Variants in MEGF11 observed in about 807,000 individuals in gnomAD.
The protein encoded by MEGF11 is multiple EGF like domains 11, also known as multiple epidermal growth factor-like domains protein 11.
MEGF11 carries 126 observed loss-of-function variants against 146.6 expected under a neutral mutation model. The observed-to-expected ratio is 0.86, with a 90% CI of 0.74 to 1.00. The LOEUF (loss-of-function observed/expected upper bound fraction) is 1.00. MEGF11 is among the 50% of genes least tolerant of loss of function. The pLI, the probability that MEGF11 is intolerant of heterozygous loss-of-function variation, is 0.00. For synonymous variants in MEGF11, 532 were observed against 583.4 expected (o/e 0.91, Z 1.27); for missense variants, 1,509 against 1,521.2 (o/e 0.99, Z 0.13).
intron 1 of MEGF11, among the ~76,000 whole-genome samples, chr15:66,247,789 C>T (rs916786051): frequency 5.9e-5 from 9 of 151,394 alleles, no homozygotes; most frequent in African/African-American, 1.9e-4. Flanking sequence ...GTAATCCCAG[C>T]ATTTTGGGAG....
chr15:65,987,721 T>C (rs1251037270), intron 5 of MEGF11, among the ~76,000 whole-genome samples: 1 of 152,206 alleles, frequency 6.6e-6, no homozygotes, highest in Non-Finnish European at 1.5e-5. Context: ...TTTATTATTT[T>C]TATTTTTTTG....
At chr15:66,076,345 T>C (rs1188637720) in intron 5 of MEGF11, among the ~76,000 whole-genome samples, 3 of 51,688 alleles carry the variant, frequency 5.8e-5, no homozygotes, top group African/African-American at 1.4e-4. Flanking sequence ...TAAAGATCTT[T>C]GTAAAAAAAA....
intron 15 of MEGF11, among the ~76,000 whole-genome samples, chr15:65,919,899 G>A (rs1170675779): frequency 5.4e-5 from 8 of 148,776 alleles, no homozygotes; most frequent in Non-Finnish European, 1.5e-5. Context: ...GTGAACCACT[G>A]CACCCGGCCA....
At chr15:66,235,748 C>T (rs747175930) in intron 1 of MEGF11, among the ~76,000 whole-genome samples, 3 of 152,126 alleles carry the variant, frequency 2.0e-5, no homozygotes, top group Non-Finnish European at 4.4e-5. Context: ...CAAGACTGCC[C>T]GGGCTCCCAC....
At chr15:66,048,925 T>C (rs1019622673) in intron 5 of MEGF11, among the ~76,000 whole-genome samples, 1 of 152,152 alleles carries the variant, frequency 6.6e-6, no homozygotes, top group Non-Finnish European at 1.5e-5. Context: ...TACATTCTCA[T>C]TTTACAGTTG....
At chr15:65,912,260 C>A in intron 20 of MEGF11, 60 bp from the exon 21 acceptor site, 2 of 1,025,912 alleles carry the variant, frequency 1.9e-6, no homozygotes, top group South Asian at 5.1e-5. Context: ...TGAGATACCC[C>A]CAGTACTAAT....
intron 10 of MEGF11, among the ~76,000 whole-genome samples, chr15:65,952,060 A>G (rs1177608266): frequency 6.6e-6 from 1 of 152,132 alleles, no homozygotes; most frequent in South Asian, 2.1e-4. Context: ...ATTTTATAGC[A>G]TATTATTATA....
intron 9 of MEGF11, among the ~76,000 whole-genome samples, chr15:65,959,911 C>T (rs2080798423): frequency 6.6e-6 from 1 of 152,192 alleles, no homozygotes; most frequent in Non-Finnish European, 1.5e-5. Flanking sequence ...TGTCTGGCCA[C>T]ATTTTGTCCA....
intron 5 of MEGF11, among the ~76,000 whole-genome samples, chr15:66,055,618 TGTTTGGTAACATTCGGGACTCAAC>T (rs1394989950): frequency 6.7e-4 from 102 of 152,376 alleles, no homozygotes; most frequent in African/African-American, 2.4e-3. Context: ...CTATTTATAA[TGTTTGGTAACATTCGGGACTCAAC>T]ACAGTTTTCA....
At chr15:66,184,223 A>G (rs1223683526) in intron 1 of MEGF11, among the ~76,000 whole-genome samples, 1 of 152,174 alleles carries the variant, frequency 6.6e-6, no homozygotes, top group Non-Finnish European at 1.5e-5. Context: ...TTTAATATGC[A>G]TCAATTATAC....
intron 4 of MEGF11, among the ~76,000 whole-genome samples, chr15:66,102,806 C>T (rs998171424): frequency 2.0e-5 from 3 of 152,314 alleles, no homozygotes; most frequent in Admixed American, 1.3e-4. Flanking sequence ...TGCTTATACA[C>T]CCAGGGTTCC....
chr15:65,932,757 G>A (rs75772934), intron 10 of MEGF11, among the ~76,000 whole-genome samples: 24 of 152,072 alleles, frequency 1.6e-4, no homozygotes, highest in Middle Eastern at 3.4e-3. Flanking sequence ...TGTCTATGCC[G>A]GAGCAAGTGG....
At chr15:65,912,389 C>G in intron 20 of MEGF11, 189 bp from the exon 21 acceptor site, 1 of 379,772 alleles carries the variant, frequency 2.6e-6, no homozygotes, top group Non-Finnish European at 4.6e-6. Flanking sequence ...TTGCTCCTTC[C>G]CTTACGCTGG....
intron 1 of MEGF11, among the ~76,000 whole-genome samples, chr15:66,244,383 C>T (rs1027731845): frequency 3.9e-5 from 6 of 152,138 alleles, no homozygotes; most frequent in African/African-American, 1.2e-4. Context: ...GCTCAGAGTC[C>T]GCTGCTAGAA....
At chr15:66,016,398 C>T (rs1375557162) in intron 5 of MEGF11, among the ~76,000 whole-genome samples, 1 of 152,112 alleles carries the variant, frequency 6.6e-6, no homozygotes, top group Non-Finnish European at 1.5e-5. Context: ...AGAATCACAA[C>T]CCCGAGTTTT....
intron 5 of MEGF11, among the ~76,000 whole-genome samples, chr15:65,996,870 GAAGTA>G (rs2082216129): frequency 6.6e-6 from 1 of 152,210 alleles, no homozygotes; most frequent in African/African-American, 2.4e-5. Context: ...GGGGCCCAGA[GAAGTA>G]AAGCAGCTTG....
rs1335754046 is a variant in MEGF11, at chr15:66,149,667, G to A, written c.-8-21256C>T. On this transcript the variant is annotated intron_variant, in intron 1 of 25. Coordinates refer to ENST00000395614, the MANE Select transcript of MEGF11 (RefSeq NM_001385028.1). Reference sequence around the variant, plus strand: ...AAATGTACTGAGTGAGAAGCTGACTGTCATGCAGTTACAAAGGTTAATTGC... The same window carrying A: ...AAATGTACTGAGTGAGAAGCTGACTATCATGCAGTTACAAAGGTTAATTGC... Among the ~76,000 whole-genome samples, 5 of 152,308 alleles carry A rather than the reference G, an allele frequency of 3.3e-5. No individual in the cohort carries two copies. The East Asian group carries it at 7.7e-4, about 23-fold the overall frequency.
At chr15:66,218,401 C>A (rs1399245012) in intron 1 of MEGF11, among the ~76,000 whole-genome samples, 1 of 152,146 alleles carries the variant, frequency 6.6e-6, no homozygotes, top group Non-Finnish European at 1.5e-5. Context: ...CAACAAGAGT[C>A]ATCATGCTCT....
intron 5 of MEGF11, among the ~76,000 whole-genome samples, chr15:66,077,641 G>A (rs1461367116): frequency 3.3e-5 from 5 of 152,224 alleles, no homozygotes; most frequent in Non-Finnish European, 7.3e-5. Context: ...GGTGCTCCAG[G>A]TCATAGAGAC....
Sources: gnomAD v4.1 joint callset for allele counts (sites outside exome capture counted in the v4.1 genomes callset) on GRCh38, gnomAD v4.1.1 for gene constraint, MANE v1.5 for transcripts, NCBI Gene and HGNC (gene_info 2026-07-23, HGNC 2026-07-21) for gene names.